Variants in SYTL5 observed in about 807,000 individuals in gnomAD.
SYTL5 encodes synaptotagmin-like protein 5.
SYTL5 carries 34 observed loss-of-function variants against 55.9 expected under a neutral mutation model. The ratio of observed to expected loss-of-function variants is 0.61; its 90% CI spans 0.46 to 0.81. The LOEUF (loss-of-function observed/expected upper bound fraction) is 0.81, where lower values mean the gene tolerates loss of function less well. Among genes scored for constraint, SYTL5 ranks in the 30% least tolerant of loss-of-function variants. SYTL5 has a pLI of 0.00. For synonymous variants in SYTL5, 221 were observed against 188.7 expected, an observed-to-expected ratio of 1.17 and a Z score of -1.40; for missense variants, 637 against 546.7, an observed-to-expected ratio of 1.17 and a Z score of -1.65.
chrX:37,950,361 T>C, the SYTL5 span, among the ~76,000 whole-genome samples: 2 of 112,064 alleles, frequency 1.8e-5, no homozygotes, highest in Non-Finnish European at 3.8e-5. Flanking sequence ...CATATATATT[T>C]TATGAAATAA....
chrX:38,126,861 A>C lies in SYTL5; in HGVS notation c.*131A>C, dbSNP rs1937664773. The stretch of plus-strand genomic sequence containing the variant: ...TGACAGTGTTGGGACATGAGGGGAG[A>C]GATGTCAGTAGTATGAACATTTAGG... On this transcript the variant is annotated 3_prime_UTR_variant, in exon 17 of 17. Coordinates refer to ENST00000297875, the MANE Select transcript of SYTL5 (RefSeq NM_138780.3). 2 of 636,712 alleles carry C rather than the reference A, an allele frequency of 3.1e-6. No individual in the cohort carries two copies. Among genetic ancestry groups the C allele is most frequent in the Admixed American group, 7.5e-5 (2 of 26,834 alleles). 52.5% of individuals were successfully genotyped at this position (636,712 alleles called of 1,213,427 possible). A position where few individuals can be genotyped will look rare whatever the true frequency, so the allele number is the denominator to read the frequency against.
chrX:37,991,698 G>A, the SYTL5 span, among the ~76,000 whole-genome samples: 1 of 111,874 alleles, frequency 8.9e-6, no homozygotes, highest in Non-Finnish European at 1.9e-5. Flanking sequence ...AGAGGGCGGT[G>A]GCCACAGGGG....
At chrX:37,933,273 C>G in the SYTL5 span, among the ~76,000 whole-genome samples, 1 of 111,566 alleles carries the variant, frequency 9.0e-6, no homozygotes, top group East Asian at 2.8e-4. Context: ...ATCTGGGGAG[C>G]ATTTATTCAA....
At chrX:38,070,059 G>A (rs1024740493) in intron 3 of SYTL5, among the ~76,000 whole-genome samples, 1 of 111,294 alleles carries the variant, frequency 9.0e-6, no homozygotes, top group African/African-American at 3.3e-5. Context: ...GACAAACTAT[G>A]GTCTTACCTT....
chrX:37,896,484 G>C, the SYTL5 span, among the ~76,000 whole-genome samples: 1 of 110,718 alleles, frequency 9.0e-6, no homozygotes, highest in Admixed American at 9.7e-5. Context: ...ACTTGCTTTG[G>C]CCAAAAAGAC....
At chrX:38,072,717 A>G (rs1049008012) in intron 4 of SYTL5, among the ~76,000 whole-genome samples, 1 of 111,880 alleles carries the variant, frequency 8.9e-6, no homozygotes, top group African/African-American at 3.2e-5. Flanking sequence ...GAGATGCTAA[A>G]TGGCTTGAAA....
intron 5 of SYTL5, among the ~76,000 whole-genome samples, chrX:38,075,123 G>A (rs73467418): frequency 0.058 from 6,453 of 111,182 alleles, 179 homozygotes; most frequent in Middle Eastern, 0.12. Context: ...CATAGAGTAG[G>A]TTACAGAATA....
chrX:37,998,894 C>G, the SYTL5 span, among the ~76,000 whole-genome samples: 2 of 112,778 alleles, frequency 1.8e-5, no homozygotes, highest in Non-Finnish European at 3.7e-5. Flanking sequence ...ATCTCCAACT[C>G]TAATGTTCAG....
At position 38,117,440 on chromosome X, in the gene SYTL5, A is replaced by T. The variant is rs757203821; in HGVS notation, c.1597-2918A>T. 3.6e-5 allele frequency among the ~76,000 whole-genome samples: 4 copies of T among 111,940 alleles called. No homozygotes were observed. The East Asian group carries it at 8.4e-4, about 24-fold the overall frequency. ...TTAGTATGTGATTCCTACACATATA[A>T]CTTTTTCCTACTGGCGTATTTTCAT... On this transcript the variant is annotated intron_variant, in intron 13 of 16. Coordinates refer to ENST00000297875, the MANE Select transcript of SYTL5 (RefSeq NM_138780.3).
intron 16 of SYTL5, 91 bp downstream of exon 16, chrX:38,125,597 T>G: frequency 1.5e-6 from 1 of 647,008 alleles, no homozygotes; most frequent in Non-Finnish European, 2.4e-6. Flanking sequence ...TGGATGTATA[T>G]ATATAGTTTC....
intron 6 of SYTL5, among the ~76,000 whole-genome samples, chrX:38,088,457 G>A (rs1212274987): frequency 9.0e-6 from 1 of 111,448 alleles, no homozygotes; most frequent in Admixed American, 9.6e-5. Context: ...CATATTTTGT[G>A]CCCACTGAGG....
At chrX:37,959,398 A>T in the SYTL5 span, among the ~76,000 whole-genome samples, 1 of 111,942 alleles carries the variant, frequency 8.9e-6, no homozygotes, top group African/African-American at 3.3e-5. Context: ...TTAACAACAG[A>T]AGCTTTGAGT....
chrX:38,009,992 A>G (rs746992451), intron 1 of SYTL5, among the ~76,000 whole-genome samples: 1 of 112,327 alleles, frequency 8.9e-6, no homozygotes, highest in East Asian at 2.8e-4. Flanking sequence ...CCAGGTCTTA[A>G]CTATTGAAAT....
the SYTL5 span, among the ~76,000 whole-genome samples, chrX:37,913,296 T>C: frequency 1.8e-5 from 2 of 112,188 alleles, no homozygotes; most frequent in East Asian, 2.8e-4. Flanking sequence ...AAAGGTAGAG[T>C]TGGCTATTGG....
chrX:38,000,789 A>C, the SYTL5 span, among the ~76,000 whole-genome samples: 1 of 111,680 alleles, frequency 9.0e-6, no homozygotes, highest in African/African-American at 3.3e-5. Context: ...CGAAGCCAGA[A>C]GGGAGATGGA....
At chrX:37,970,354 C>CTTT in the SYTL5 span, among the ~76,000 whole-genome samples, 562 of 96,317 alleles carry the variant, frequency 5.8e-3, 6 homozygotes, top group African/African-American at 0.02. Context: ...TTTTTTTTAC[C>CTTT]TTTTTTTTTT....
At chrX:38,009,676 G>A (rs929185972) in intron 1 of SYTL5, among the ~76,000 whole-genome samples, 5 of 109,803 alleles carry the variant, frequency 4.6e-5, no homozygotes, top group Non-Finnish European at 9.5e-5. Context: ...CAAGGTTTTG[G>A]TCAGGCCCCA....
chrX:37,959,575 C>T, the SYTL5 span, among the ~76,000 whole-genome samples: 3 of 111,783 alleles, frequency 2.7e-5, no homozygotes, highest in Non-Finnish European at 5.6e-5. Flanking sequence ...GTAGGGTAAA[C>T]AGACTTAAAT....
the SYTL5 span, among the ~76,000 whole-genome samples, chrX:37,972,676 T>G: frequency 1.8e-5 from 2 of 111,830 alleles, no homozygotes; most frequent in Non-Finnish European, 3.8e-5. Flanking sequence ...TGAGAACATG[T>G]GCCCCAGGTC....
Sources: gnomAD v4.1 joint callset for allele counts (sites outside exome capture counted in the v4.1 genomes callset) on GRCh38, gnomAD v4.1.1 for gene constraint, MANE v1.5 for transcripts, NCBI Gene and HGNC (gene_info 2026-07-23, HGNC 2026-07-21) for gene names.